Variants in THRB observed in about 807,000 individuals in gnomAD.
The protein encoded by THRB is thyroid hormone receptor beta.
THRB carries 12 observed loss-of-function variants against 47.8 expected under a neutral mutation model. The ratio of observed to expected loss-of-function variants is 0.25; its 90% CI spans 0.16 to 0.41. THRB has a LOEUF of 0.41. Ranked by LOEUF, THRB falls within the 10% of genes least tolerant of loss-of-function variation. The probability of loss-of-function intolerance (pLI) is 1.00; values close to 1 mark genes in which losing one functional copy is unlikely to be tolerated. For missense variants in THRB, 348 were observed against 589.2 expected (o/e 0.59, Z 4.24); for synonymous variants, 218 against 212.2 (o/e 1.03, Z -0.24).
At chr3:24,426,450 G>A (rs1249502674) in intron 1 of THRB, among the ~76,000 whole-genome samples, 3 of 151,852 alleles carry the variant, frequency 2.0e-5, no homozygotes, top group African/African-American at 7.3e-5. Context: ...TTTATTAAAT[G>A]TGAAGGGCAG....
At chr3:24,156,172 T>C (rs1013722735) in intron 5 of THRB, among the ~76,000 whole-genome samples, 2 of 152,242 alleles carry the variant, frequency 1.3e-5, no homozygotes, top group African/African-American at 4.8e-5. Flanking sequence ...CTGAGCGACT[T>C]GTCATGTAGA....
chr3:24,168,323 G>A (rs902079231), intron 5 of THRB, among the ~76,000 whole-genome samples: 1 of 151,982 alleles, frequency 6.6e-6, no homozygotes, highest in African/African-American at 2.4e-5. Flanking sequence ...CATATTATGT[G>A]TCACAAATGG....
intron 5 of THRB, among the ~76,000 whole-genome samples, chr3:24,156,471 A>G (rs893811473): frequency 2.6e-5 from 4 of 152,236 alleles, no homozygotes; most frequent in African/African-American, 4.8e-5. Flanking sequence ...CAGAAGTAGC[A>G]GCATGTGAGA....
At chr3:24,436,734 C>T (rs947384825) in intron 1 of THRB, among the ~76,000 whole-genome samples, 5 of 152,108 alleles carry the variant, frequency 3.3e-5, no homozygotes, top group Admixed American at 6.6e-5. Context: ...TGGAAGATCA[C>T]GTACATCTAA....
chr3:24,123,175 G>A (rs1477536232), intron 10 of THRB, 50 bp from the exon 11 acceptor site: 2 of 1,611,018 alleles, frequency 1.2e-6, no homozygotes, highest in Non-Finnish European at 1.7e-6. Flanking sequence ...GAAGGGGGAA[G>A]GCTTGCTTTG....
chr3:24,383,665 ACAACT>A (rs2065874176), intron 1 of THRB, among the ~76,000 whole-genome samples: 1 of 152,166 alleles, frequency 6.6e-6, no homozygotes, highest in Non-Finnish European at 1.5e-5. Flanking sequence ...TCTTTTCTTG[ACAACT>A]CAATTCAGTT....
intron 1 of THRB, among the ~76,000 whole-genome samples, chr3:24,391,691 T>G (rs1282394138): frequency 6.6e-6 from 1 of 152,152 alleles, no homozygotes; most frequent in Non-Finnish European, 1.5e-5. Flanking sequence ...TCTTTAAGCT[T>G]ATTGGGTCAG....
chr3:24,180,170 A>C (rs1344790429), intron 5 of THRB, among the ~76,000 whole-genome samples: 2 of 152,208 alleles, frequency 1.3e-5, no homozygotes, highest in Non-Finnish European at 2.9e-5. Context: ...TATTATAAGA[A>C]GTTATTTCCA....
rs534644733 is a variant in THRB, at chr3:24,475,691, C to T, written c.-261+18961G>A. On this transcript the variant is annotated intron_variant, in intron 1 of 10. Coordinates refer to ENST00000646209, the MANE Select transcript of THRB (RefSeq NM_001354712.2). ...TAACACTTATGCCTAGGCGAGAACA[C>T]CAGGTATCTCATCTTCACTATCAAG... 2.6e-5 allele frequency among the ~76,000 whole-genome samples: 4 copies of T among 152,236 alleles called. No individual in the cohort carries two copies. In the South Asian group the frequency reaches 8.3e-4, roughly 32 times the overall value.
At chr3:24,470,445 T>G (rs1004714949) in intron 1 of THRB, among the ~76,000 whole-genome samples, 1 of 152,192 alleles carries the variant, frequency 6.6e-6, no homozygotes, top group African/African-American at 2.4e-5. Flanking sequence ...CTTAGGAAAG[T>G]TGCTCAACCT....
At chr3:24,130,819 C>G (rs944348345) in intron 9 of THRB, among the ~76,000 whole-genome samples, 1 of 151,862 alleles carries the variant, frequency 6.6e-6, no homozygotes, top group African/African-American at 2.4e-5. Context: ...GATATAGTTG[C>G]CAGAACATTC....
At chr3:24,316,256 C>T (rs1442896613) in intron 2 of THRB, among the ~76,000 whole-genome samples, 1 of 152,178 alleles carries the variant, frequency 6.6e-6, no homozygotes, top group African/African-American at 2.4e-5. Context: ...CAAAATTTGG[C>T]TGAGCACATA....
intron 2 of THRB, among the ~76,000 whole-genome samples, chr3:24,313,191 T>C (rs1158732145): frequency 1.3e-5 from 2 of 152,198 alleles, no homozygotes; most frequent in Non-Finnish European, 2.9e-5. Context: ...ACTTCCTCCA[T>C]GAAAGCTGTC....
In THRB at chr3:24,129,089, C is replaced by G. The variant is rs528757919; in HGVS notation, c.886-1332G>C. On this transcript the variant is annotated intron_variant, in intron 9 of 10. Transcript: ENST00000646209. ...GGGCATTTTATGTTTTTTACTAGCT[C>G]AGCCTAGTCACTTTACCATTTAATT... Among the ~76,000 whole-genome samples, 17 of 152,214 alleles carry G rather than the reference C, an allele frequency of 1.1e-4. No individual in the cohort carries two copies. The South Asian group carries it at 1.7e-3, about 15-fold the overall frequency.
intron 1 of THRB, among the ~76,000 whole-genome samples, chr3:24,354,745 A>G (rs2063564348): frequency 6.6e-6 from 1 of 152,148 alleles, no homozygotes; most frequent in African/African-American, 2.4e-5. Flanking sequence ...AAGTTAATTA[A>G]AAGAACTTGG....
At chr3:24,213,082 AAGTAGACC>A (rs753125909) in intron 4 of THRB, among the ~76,000 whole-genome samples, 1 of 152,188 alleles carries the variant, frequency 6.6e-6, no homozygotes, top group Non-Finnish European at 1.5e-5. Flanking sequence ...TAAGGGTGCC[AAGTAGACC>A]AGACCCTTAA....
chr3:24,481,837 T>TAAAA (rs35810270), intron 1 of THRB, among the ~76,000 whole-genome samples: 2 of 118,934 alleles, frequency 1.7e-5, no homozygotes. Context: ...ATATGGACCA[T>TAAAA]AAAAAAAAAA....
intron 1 of THRB, among the ~76,000 whole-genome samples, chr3:24,376,542 G>A (rs761769042): frequency 4.6e-5 from 7 of 152,160 alleles, no homozygotes; most frequent in African/African-American, 7.2e-5. Context: ...TATTCTGTGA[G>A]CAGAAAAGGG....
At chr3:24,299,790 T>A (rs559468908) in intron 2 of THRB, among the ~76,000 whole-genome samples, 28 of 89,554 alleles carry the variant, frequency 3.1e-4, no homozygotes, top group South Asian at 7.5e-4. Flanking sequence ...TATTTATTTA[T>A]TTTTTTTTTT....
Sources: gnomAD v4.1 joint callset for allele counts (sites outside exome capture counted in the v4.1 genomes callset) on GRCh38, gnomAD v4.1.1 for gene constraint, MANE v1.5 for transcripts, NCBI Gene and HGNC (gene_info 2026-07-23, HGNC 2026-07-21) for gene names.